FBXO17: variants seen among roughly 807,000 people sequenced by gnomAD.
FBXO17 encodes the protein F-box protein 17, also known as F-box only protein 17.
In FBXO17, 43 loss-of-function variants were observed where a neutral mutation model predicts 34.1. The ratio of observed to expected loss-of-function variants is 1.26; its 90% CI spans 0.99 to 1.62. The LOEUF (loss-of-function observed/expected upper bound fraction) is 1.62. Ranked by LOEUF, FBXO17 falls within the 40% of genes most tolerant of loss-of-function variation. The pLI is 0.00. For missense variants in FBXO17, 424 were observed against 386.7 expected (o/e 1.10, Z -0.81); for synonymous variants, 169 against 166.0 (o/e 1.02, Z -0.14).
At chr19:38,959,206 G>A (rs981096373) in intron 1 of FBXO17, among the ~76,000 whole-genome samples, 11 of 150,138 alleles carry the variant, frequency 7.3e-5, no homozygotes, top group East Asian at 2.0e-4. Flanking sequence ...CACTGTGCCC[G>A]GCCTGCTAAG....
chr19:38,957,049 C>T (rs1975176361), intron 1 of FBXO17, among the ~76,000 whole-genome samples: 3 of 152,058 alleles, frequency 2.0e-5, no homozygotes. Flanking sequence ...AAGAATGAAG[C>T]TGTGGAGACA....
In FBXO17 at chr19:38,975,664, C is replaced by T. The variant is rs1600209941; in HGVS notation, c.-96G>A. ...TGTTCTGGGAGGCAGTCGAGGGGCT[C>T]CCCGTGATCGGCGTGGCCCAGGGGG... On this transcript the variant is annotated 5_prime_UTR_variant, in exon 1 of 6. Coordinates refer to ENST00000292852, the MANE Select transcript of FBXO17 (RefSeq NM_024907.7). This position sits in a 1 kb window ranked among gnomAD's most constrained non-coding sequence, Gnocchi z 4.9. 2 of 152,192 alleles carry T rather than the reference C, an allele frequency of 1.3e-5. No individual in the cohort carries two copies. The highest frequency in any genetic ancestry group is 2.1e-4 in the South Asian group (1 of 4,820). 9.4% of individuals were successfully genotyped at this position (152,192 alleles called of 1,614,324 possible).
At chr19:38,943,160 G>T (rs1443086570) in intron 5 of FBXO17, among the ~76,000 whole-genome samples, 1 of 152,052 alleles carries the variant, frequency 6.6e-6, no homozygotes, top group Non-Finnish European at 1.5e-5. Context: ...GTAAGAGAGG[G>T]GTCAGGGAGG....
chr19:38,969,544 A>C (rs1056380502), intron 1 of FBXO17, among the ~76,000 whole-genome samples: 1 of 148,942 alleles, frequency 6.7e-6, no homozygotes, highest in Non-Finnish European at 1.5e-5. Context: ...ACTCCCATAC[A>C]TTCCTGGTGG....
chr19:38,960,964 G>C (rs910993980), intron 1 of FBXO17, among the ~76,000 whole-genome samples: 4 of 151,326 alleles, frequency 2.6e-5, no homozygotes, highest in African/African-American at 9.7e-5. Flanking sequence ...GCACCACCAC[G>C]CCAGGCTGAT....
In FBXO17 at chr19:38,975,490, G is replaced by A. The variant is rs1458593304; in HGVS notation, c.-18+96C>T. 1 of 152,278 alleles carries A rather than the reference G, an allele frequency of 6.6e-6. No homozygotes were observed. Among genetic ancestry groups the A allele is most frequent in the Non-Finnish European group, 1.5e-5 (1 of 68,084 alleles). The allele number at this position is 152,278 out of a possible 1,614,324, so 9.4% of individuals were successfully genotyped here. A position where few individuals can be genotyped will look rare whatever the true frequency, so the allele number is the denominator to read the frequency against. On this transcript the variant is annotated intron_variant, in intron 1 of 5. Coordinates refer to ENST00000292852, the MANE Select transcript of FBXO17 (RefSeq NM_024907.7). The surrounding 1 kb of genome is among the most constrained non-coding windows in gnomAD (Gnocchi z 4.9). ...GGACCCGCCCCTCCGGGCAGGGCCT[G>A]GCGCGGGAATCCTTCCCGGGGCGCC...
At chr19:38,961,131 A>G (rs1343023170) in intron 1 of FBXO17, among the ~76,000 whole-genome samples, 1 of 152,010 alleles carries the variant, frequency 6.6e-6, no homozygotes, top group Non-Finnish European at 1.5e-5. Context: ...TTCATCTTCA[A>G]GGTTCATTGT....
intron 1 of FBXO17, among the ~76,000 whole-genome samples, chr19:38,953,566 CAGG>C (rs545942337): frequency 5.0e-4 from 76 of 151,932 alleles, no homozygotes; most frequent in South Asian, 4.6e-3. Flanking sequence ...GAGGCCAAGG[CAGG>C]AGAATTGCTT....
intron 1 of FBXO17, among the ~76,000 whole-genome samples, chr19:38,964,859 A>T (rs1568445147): frequency 6.6e-6 from 1 of 152,126 alleles, no homozygotes; most frequent in Non-Finnish European, 1.5e-5. Flanking sequence ...CCCATCTGGC[A>T]TCCGGGAGTG....
At chr19:38,950,595 G>A (rs1002628006) in intron 1 of FBXO17, among the ~76,000 whole-genome samples, 7 of 152,248 alleles carry the variant, frequency 4.6e-5, no homozygotes, top group Non-Finnish European at 1.0e-4. Flanking sequence ...CAGGCTAAGC[G>A]CTTCAGGTAT....
At chr19:38,956,083 T>C (rs1975162847) in intron 1 of FBXO17, among the ~76,000 whole-genome samples, 1 of 151,862 alleles carries the variant, frequency 6.6e-6, no homozygotes, top group Non-Finnish European at 1.5e-5. Context: ...CTGGGCAACA[T>C]GGCGAAACCC....
intron 1 of FBXO17, among the ~76,000 whole-genome samples, chr19:38,966,814 A>C (rs1975327440): frequency 6.6e-6 from 1 of 152,178 alleles, no homozygotes. Context: ...CTTGGGAAAA[A>C]GACTCTTTTC....
At chr19:38,954,868 A>C (rs1294250758) in intron 1 of FBXO17, among the ~76,000 whole-genome samples, 1 of 149,460 alleles carries the variant, frequency 6.7e-6, no homozygotes, top group Admixed American at 6.7e-5. Context: ...GGCGTGAGCC[A>C]CTGCGCCTGC....
intron 1 of FBXO17, among the ~76,000 whole-genome samples, chr19:38,964,817 G>A (rs775870747): frequency 3.9e-4 from 60 of 151,962 alleles, no homozygotes; most frequent in Non-Finnish European, 8.4e-4. Flanking sequence ...TGGGAAGTGT[G>A]GATGCTGCTG....
intron 5 of FBXO17, among the ~76,000 whole-genome samples, chr19:38,944,543 C>A (rs763672492): frequency 6.6e-6 from 1 of 152,166 alleles, no homozygotes; most frequent in Non-Finnish European, 1.5e-5. Context: ...TGTGCCCAGC[C>A]GAAACATTTA....
chr19:38,942,579 A>C lies in FBXO17; in HGVS notation c.*29T>G, dbSNP rs1375800476. 6.6e-7 allele frequency: 1 copy of C among 1,519,354 alleles called. No homozygotes were observed. The highest frequency in any genetic ancestry group is 8.8e-7 in the Non-Finnish European group (1 of 1,137,664). The allele number at this position is 1,519,354 out of a possible 1,614,324, so 94.1% of individuals were successfully genotyped here. ...GCACCTGGCTGCAAGGCTGGTCTTG[A>C]CTGACAACGTCAGGCAGTAGTCCAG... On this transcript the variant is annotated 3_prime_UTR_variant, in exon 6 of 6. Transcript: ENST00000292852.
intron 1 of FBXO17, among the ~76,000 whole-genome samples, chr19:38,959,897 A>G (rs1250202817): frequency 6.6e-6 from 1 of 152,050 alleles, no homozygotes; most frequent in African/African-American, 2.4e-5. Context: ...CTCTGTCTCC[A>G]AAAACAAACA....
chr19:38,967,568 A>AT (rs59028401), intron 1 of FBXO17, among the ~76,000 whole-genome samples: 2,368 of 148,332 alleles, frequency 0.016, 61 homozygotes, highest in African/African-American at 0.048. Context: ...GGAAAATGCA[A>AT]TTTTTTTTTT....
At chr19:38,972,220 G>C (rs1176410493) in intron 1 of FBXO17, among the ~76,000 whole-genome samples, 3 of 152,016 alleles carry the variant, frequency 2.0e-5, no homozygotes, top group African/African-American at 7.3e-5. Flanking sequence ...CTGGGACCAA[G>C]GGAAAAGAAT....
Sources: allele counts gnomAD v4.1 joint callset (sites outside exome capture counted in the v4.1 genomes callset), GRCh38; gene constraint gnomAD v4.1.1; non-coding constraint Gnocchi (gnomAD v3.1); transcripts MANE v1.5; gene names NCBI Gene and HGNC (gene_info 2026-07-23, HGNC 2026-07-21).